LDB2: variants seen among roughly 807,000 people sequenced by gnomAD.
LDB2 encodes LIM domain binding 2.
LDB2 carries 12 observed loss-of-function variants against 44.3 expected under a neutral mutation model. The observed-to-expected ratio is 0.27, with a 90% CI of 0.17 to 0.44. LDB2 has a LOEUF of 0.44. LDB2 is among the 20% of genes least tolerant of loss of function. The pLI is 1.00. For missense variants in LDB2, 344 were observed against 473.5 expected (o/e 0.73, Z 2.54); for synonymous variants, 164 against 174.8 (o/e 0.94, Z 0.49).
chr4:16,594,273 C>A (rs1165192782), intron 3 of LDB2, among the ~76,000 whole-genome samples: 3 of 152,148 alleles, frequency 2.0e-5, no homozygotes, highest in Non-Finnish European at 4.4e-5. Context: ...GAATGGCTTA[C>A]ATGTCCGTCT....
intron 2 of LDB2, among the ~76,000 whole-genome samples, chr4:16,638,571 T>A (rs1734253227): frequency 6.6e-6 from 1 of 152,208 alleles, no homozygotes; most frequent in South Asian, 2.1e-4. Context: ...TTAAATGGGA[T>A]CCAGTGTGTC....
chr4:16,735,792 G>T (rs1197501553), intron 2 of LDB2, among the ~76,000 whole-genome samples: 1 of 152,122 alleles, frequency 6.6e-6, no homozygotes, highest in Non-Finnish European at 1.5e-5. Flanking sequence ...AGCACTACAG[G>T]ATATTTGCCT....
chr4:16,839,022 G>C (rs906754615), intron 1 of LDB2, among the ~76,000 whole-genome samples: 4 of 152,196 alleles, frequency 2.6e-5, no homozygotes, highest in African/African-American at 9.7e-5. Context: ...TGCAGAAGCA[G>C]GACTGTGATA....
At chr4:16,750,967 T>G (rs1765370720) in intron 2 of LDB2, 1 of 152,200 alleles carries the variant, frequency 6.6e-6, no homozygotes, top group South Asian at 2.1e-4. Context: ...ACACTTTGTT[T>G]TACCCACTAT....
intron 1 of LDB2, among the ~76,000 whole-genome samples, chr4:16,811,983 C>T (rs1469139547): frequency 6.6e-6 from 1 of 152,046 alleles, no homozygotes; most frequent in African/African-American, 2.4e-5. Flanking sequence ...TCAATCCTGC[C>T]CCATCAAATC....
intron 1 of LDB2, among the ~76,000 whole-genome samples, chr4:16,821,415 G>A (rs1296467721): frequency 4.8e-5 from 7 of 145,418 alleles, no homozygotes; most frequent in Non-Finnish European, 9.0e-5. Context: ...ACGGAGTCTC[G>A]CTCTGTCGCC....
At chr4:16,800,070 C>T (rs910063318) in intron 1 of LDB2, among the ~76,000 whole-genome samples, 2 of 152,052 alleles carry the variant, frequency 1.3e-5, no homozygotes, top group Non-Finnish European at 2.9e-5. Context: ...GACGGGAAAG[C>T]TCAAACGAGA....
chr4:16,607,159 G>T (rs973862647), intron 2 of LDB2, among the ~76,000 whole-genome samples: 1 of 152,180 alleles, frequency 6.6e-6, no homozygotes, highest in Non-Finnish European at 1.5e-5. Context: ...TCAAAAGAAA[G>T]GTTTGTAGAA....
intron 1 of LDB2, among the ~76,000 whole-genome samples, chr4:16,839,657 G>A (rs945955128): frequency 1.3e-5 from 2 of 152,126 alleles, no homozygotes; most frequent in South Asian, 2.1e-4. Flanking sequence ...CCAAGAGGAT[G>A]GGCAGCTAAT....
chr4:16,850,609 C>T (rs75170169), intron 1 of LDB2, among the ~76,000 whole-genome samples: 195 of 152,224 alleles, frequency 1.3e-3, no homozygotes, highest in South Asian at 2.9e-3. Context: ...CCAAAGTAAC[C>T]GTTTCCCTCA....
chr4:16,674,246 T>C (rs1383586583), intron 2 of LDB2: 2 of 1,289,064 alleles, frequency 1.6e-6, no homozygotes, highest in African/African-American at 3.0e-5. Context: ...ATTGTAATAA[T>C]CCATCACAGG....
At chr4:16,626,129 C>T (rs1242825927) in intron 2 of LDB2, among the ~76,000 whole-genome samples, 1 of 152,128 alleles carries the variant, frequency 6.6e-6, no homozygotes, top group Non-Finnish European at 1.5e-5. Flanking sequence ...GTCATTAACC[C>T]CTTTGTATAA....
intron 7 of LDB2, 110 bp downstream of exon 7, chr4:16,508,425 C>G: frequency 9.2e-7 from 1 of 1,087,480 alleles, no homozygotes; most frequent in Non-Finnish European, 1.3e-6. Flanking sequence ...CCACCTCCAA[C>G]CTGCCCAGGA....
intron 1 of LDB2, among the ~76,000 whole-genome samples, chr4:16,820,619 G>A (rs1457973129): frequency 6.6e-6 from 1 of 152,148 alleles, no homozygotes; most frequent in Non-Finnish European, 1.5e-5. Context: ...AGGCTCCAGA[G>A]GAAATACGCC....
intron 2 of LDB2, among the ~76,000 whole-genome samples, chr4:16,597,596 A>G (rs1184265340): frequency 6.6e-6 from 1 of 152,196 alleles, no homozygotes; most frequent in East Asian, 1.9e-4. Context: ...TAATTTGACA[A>G]TTTGGGATTC....
At chr4:16,780,696 G>A (rs951249998) in intron 1 of LDB2, among the ~76,000 whole-genome samples, 4 of 151,748 alleles carry the variant, frequency 2.6e-5, no homozygotes, top group East Asian at 3.9e-4. Flanking sequence ...AAGTTTATTC[G>A]CTCTGTGTTG....
At chr4:16,516,209 G>A (rs1723676437) in intron 5 of LDB2, among the ~76,000 whole-genome samples, 1 of 152,116 alleles carries the variant, frequency 6.6e-6, no homozygotes, top group Non-Finnish European at 1.5e-5. Flanking sequence ...CCTTGGGTAA[G>A]TTATTTAAAA....
intron 2 of LDB2, among the ~76,000 whole-genome samples, chr4:16,624,764 T>C (rs1355658291): frequency 6.6e-6 from 1 of 152,190 alleles, no homozygotes; most frequent in Admixed American, 6.5e-5. Flanking sequence ...CTCTTCCACA[T>C]TATAAATGAG....
At chr4:16,573,349 C>T (rs1198754052) in intron 5 of LDB2, among the ~76,000 whole-genome samples, 1 of 152,122 alleles carries the variant, frequency 6.6e-6, no homozygotes, top group East Asian at 1.9e-4. Context: ...ACACGTGCTC[C>T]TCCAGCCTTA....
Sources: allele counts gnomAD v4.1 joint callset (sites outside exome capture counted in the v4.1 genomes callset), GRCh38; gene constraint gnomAD v4.1.1; transcripts MANE v1.5; gene names NCBI Gene and HGNC (gene_info 2026-07-23, HGNC 2026-07-21).